The following PI15 variants were observed in gnomAD, a reference collection of about 807,000 sequenced individuals.
PI15 encodes the protein peptidase inhibitor 15.
PI15 carries 18 observed loss-of-function variants against 31.0 expected under a neutral mutation model. The observed-to-expected ratio is 0.58, with a 90% CI of 0.40 to 0.86. The LOEUF is 0.86. Among genes scored for constraint, PI15 ranks in the 40% least tolerant of loss-of-function variants. The pLI, the probability that PI15 is intolerant of heterozygous loss-of-function variation, is 0.00. For synonymous variants in PI15, 118 were observed against 119.1 expected, an observed-to-expected ratio of 0.99 and a Z score of 0.06; for missense variants, 282 against 328.1, an observed-to-expected ratio of 0.86 and a Z score of 1.09.
chr8:74,852,248 C>T lies in PI15; in HGVS notation c.*2995C>T, dbSNP rs971721247. 6.6e-6 allele frequency: 1 copy of T among 151,764 alleles called. No homozygotes were observed. Among genetic ancestry groups the T allele is most frequent in the South Asian group, 2.1e-4 (1 of 4,808 alleles). The allele number at this position is 151,764 out of a possible 1,614,324, so 9.4% of individuals were successfully genotyped here. On this transcript the variant is annotated 3_prime_UTR_variant, in exon 6 of 6. Coordinates refer to ENST00000260113, the MANE Select transcript of PI15 (RefSeq NM_015886.5). ...CTGTGGTGTTAATTTTTTTATATGACCAGTAGAAAAATTTTAATATTCTCA... is the reference window on the plus strand; with the variant it reads ...CTGTGGTGTTAATTTTTTTATATGATCAGTAGAAAAATTTTAATATTCTCA...
At position 74,840,996 on chromosome 8, in the gene PI15, T is replaced by C. The variant is rs535335642; in HGVS notation, c.274-2985T>C. Among the ~76,000 whole-genome samples, 8 of 152,300 alleles carry C rather than the reference T, an allele frequency of 5.3e-5. No individual in the cohort carries two copies. In the South Asian group the frequency reaches 1.7e-3, roughly 32 times the overall value. On this transcript the variant is annotated intron_variant, in intron 2 of 5. Transcript: ENST00000260113. ...TGTAAGATATTTTTCAGGCATGAGC[T>C]TTTTAGTTTATCTTTTTGACATACC...
intron 2 of PI15, among the ~76,000 whole-genome samples, chr8:74,832,265 A>T (rs927697143): frequency 2.0e-5 from 3 of 152,176 alleles, no homozygotes; most frequent in African/African-American, 4.8e-5. Context: ...TAGAGAACAC[A>T]AAATAAAGAG....
chr8:74,843,821 C>T (rs1810980412), intron 2 of PI15, among the ~76,000 whole-genome samples, 160 bp from the exon 3 acceptor site: 1 of 151,858 alleles, frequency 6.6e-6, no homozygotes, highest in Admixed American at 6.6e-5. Context: ...TCCATGATTG[C>T]ACCATTGCAC....
At chr8:74,825,673 A>T in intron 2 of PI15, 151 bp downstream of exon 2, 1 of 642,804 alleles carries the variant, frequency 1.6e-6, no homozygotes, top group South Asian at 2.0e-5. Flanking sequence ...GTGCCTAATA[A>T]TGTTGAGTAC....
At chr8:74,838,087 T>C (rs2128764916) in intron 2 of PI15, among the ~76,000 whole-genome samples, 1 of 152,246 alleles carries the variant, frequency 6.6e-6, no homozygotes, top group East Asian at 1.9e-4. Context: ...GTTTAATAGA[T>C]TTGATTTTCT....
At chr8:74,844,190 A>T in intron 3 of PI15, 91 bp downstream of exon 3, 1 of 749,320 alleles carries the variant, frequency 1.3e-6, no homozygotes, top group South Asian at 1.5e-5. Flanking sequence ...AAGTAATATC[A>T]ACAAATTCTT....
In PI15 at chr8:74,851,678, T is replaced by G. The variant is rs1811106206; in HGVS notation, c.*2425T>G. The stretch of plus-strand genomic sequence containing the variant: ...TTAATAAATGCTTATATGAATGGAT[T>G]TTTAGAATTAACTAAGAAGCCAAAA... On this transcript the variant is annotated 3_prime_UTR_variant, in exon 6 of 6. Coordinates refer to ENST00000260113, the MANE Select transcript of PI15 (RefSeq NM_015886.5). 6.6e-6 allele frequency: 1 copy of G among 152,096 alleles called. No individual in the cohort carries two copies. Among genetic ancestry groups the G allele is most frequent in the Admixed American group, 6.6e-5 (1 of 15,260 alleles). The allele number at this position is 152,096 out of a possible 1,614,324, so 9.4% of individuals were successfully genotyped here.
At chr8:74,845,625 C>A in intron 5 of PI15, 128 bp downstream of exon 5, 1 of 623,586 alleles carries the variant, frequency 1.6e-6, no homozygotes, top group Non-Finnish European at 2.9e-6. Flanking sequence ...TCAAATCCAC[C>A]ATCCTTCCAA....
In PI15 at chr8:74,849,338, T is replaced by TG; in HGVS notation, c.*85_*86insG. On this transcript the variant is annotated 3_prime_UTR_variant, in exon 6 of 6. Coordinates refer to ENST00000260113, the MANE Select transcript of PI15 (RefSeq NM_015886.5). ...ATATGGAGAGAGAATTTTGCACATA[T>TG]TATACATATTTTGTGCTAATCTTGT... 1.0e-6 allele frequency: 1 copy of TG among 1,004,300 alleles called. No homozygotes were observed. Among genetic ancestry groups the TG allele is most frequent in the Non-Finnish European group, 1.4e-6 (1 of 696,426 alleles). The allele number at this position is 1,004,300 out of a possible 1,614,324, so 62.2% of individuals were successfully genotyped here.
chr8:74,843,954 A>G (rs1810983044), intron 2 of PI15, 27 bp from the exon 3 acceptor site: 2 of 1,021,664 alleles, frequency 2.0e-6, no homozygotes, highest in Non-Finnish European at 3.1e-6. Context: ...CAAATTCCGT[A>G]ACGCTGAAGA....
At position 74,846,855 on chromosome 8, in the gene PI15, G is replaced by C. The variant is rs186827340; in HGVS notation, c.641+1358G>C. Reference sequence around the variant, plus strand: ...GGGAAAGAGATAAGTGAAAGAGAGAGAGAAAGAGAAATAATTTAGTTAGAA... The same window carrying C: ...GGGAAAGAGATAAGTGAAAGAGAGACAGAAAGAGAAATAATTTAGTTAGAA... On this transcript the variant is annotated intron_variant, in intron 5 of 5. Coordinates refer to ENST00000260113, the MANE Select transcript of PI15 (RefSeq NM_015886.5). Among the ~76,000 whole-genome samples the C allele has an allele frequency of 2.0e-4, 30 of 152,030 alleles. No homozygotes were observed. The East Asian group carries it at 5.6e-3, about 28-fold the overall frequency.
At chr8:74,834,173 G>A (rs1810828376) in intron 2 of PI15, among the ~76,000 whole-genome samples, 2 of 152,112 alleles carry the variant, frequency 1.3e-5, no homozygotes, top group Non-Finnish European at 2.9e-5. Flanking sequence ...GGGGAGCACT[G>A]CTTTAAATGG....
At chr8:74,836,019 G>A (rs1810867925) in intron 2 of PI15, among the ~76,000 whole-genome samples, 2 of 152,176 alleles carry the variant, frequency 1.3e-5, no homozygotes, top group Non-Finnish European at 2.9e-5. Context: ...ATAGTCTAGA[G>A]ATACAGTATT....
intron 5 of PI15, 132 bp from the exon 6 acceptor site, chr8:74,848,985 CA>C: frequency 1.5e-6 from 1 of 681,338 alleles, no homozygotes; most frequent in East Asian, 2.7e-5. Flanking sequence ...TTATAACTTT[CA>C]GTGACTTTCT....
Position 74,825,598 on chromosome 8 carries a change from C to G in PI15, c.273+76C>G, listed in dbSNP as rs893713204. 4 of 1,202,670 alleles carry G rather than the reference C, an allele frequency of 3.3e-6. No homozygotes were observed. In the East Asian group the frequency reaches 9.8e-5, roughly 29 times the overall value. 74.5% of individuals were successfully genotyped at this position (1,202,670 alleles called of 1,614,324 possible). On this transcript the variant is annotated intron_variant, in intron 2 of 5. Transcript: ENST00000260113. ...TATTGTACATCTGCAGAATCTCAAACGACCACGAGTGTTTATATGTCCGGG... is the reference window on the plus strand; with the variant it reads ...TATTGTACATCTGCAGAATCTCAAAGGACCACGAGTGTTTATATGTCCGGG...
At chr8:74,835,128 A>C (rs1482277300) in intron 2 of PI15, among the ~76,000 whole-genome samples, 1 of 152,126 alleles carries the variant, frequency 6.6e-6, no homozygotes, top group Non-Finnish European at 1.5e-5. Flanking sequence ...TCACCTACCT[A>C]CTTTTCCAAA....
rs1046177689 is a variant in PI15 at position 74,851,029 on chromosome 8, G to C, written c.*1776G>C. 3 of 152,544 alleles carry C rather than the reference G, an allele frequency of 2.0e-5. No homozygotes were observed. Among genetic ancestry groups the C allele is most frequent in the Non-Finnish European group, 1.5e-5 (1 of 67,992 alleles). 9.4% of individuals were successfully genotyped at this position (152,544 alleles called of 1,614,324 possible). On this transcript the variant is annotated 3_prime_UTR_variant, in exon 6 of 6. Coordinates refer to ENST00000260113, the MANE Select transcript of PI15 (RefSeq NM_015886.5). ...ATTGTTAAATCCATTCAATGGTAAA[G>C]AAACTCACCATCTGGAGATTGAGTC...
chr8:74,833,413 T>G (rs564712723), intron 2 of PI15, among the ~76,000 whole-genome samples: 1 of 152,170 alleles, frequency 6.6e-6, no homozygotes, highest in South Asian at 2.1e-4. Flanking sequence ...CCTTAGAATC[T>G]CCTTATAATT....
intron 2 of PI15, among the ~76,000 whole-genome samples, chr8:74,843,306 G>A (rs922415638): frequency 1.3e-5 from 2 of 152,124 alleles, no homozygotes; most frequent in African/African-American, 4.8e-5. Flanking sequence ...TATGAATGTT[G>A]GATCTAGATG....
Sources: gnomAD v4.1 joint callset for allele counts (sites outside exome capture counted in the v4.1 genomes callset) on GRCh38, gnomAD v4.1.1 for gene constraint, MANE v1.5 for transcripts, NCBI Gene and HGNC (gene_info 2026-07-23, HGNC 2026-07-21) for gene names.